Variants in RIMS2 observed in about 807,000 individuals in gnomAD.
RIMS2 encodes regulating synaptic membrane exocytosis 2, also known as regulating synaptic membrane exocytosis protein 2.
RIMS2 carries 59 observed loss-of-function variants against 174.4 expected under a neutral mutation model. The observed-to-expected ratio is 0.34, with a 90% CI of 0.27 to 0.42. RIMS2 has a LOEUF of 0.42. Ranked by LOEUF, RIMS2 falls within the 10% of genes least tolerant of loss-of-function variation. RIMS2 has a pLI of 1.00. For synonymous variants in RIMS2, 606 were observed against 572.5 expected (o/e 1.06, Z -0.84); for missense variants, 1,620 against 1,666.3 (o/e 0.97, Z 0.48).
rs1016730006 is a variant in RIMS2, at chr8:103,896,833, A to G, written c.1624+10610A>G. On this transcript the variant is annotated intron_variant, in intron 4 of 23. Coordinates refer to ENST00000504942, the Ensembl canonical transcript of RIMS2. ...TTTCCCTATAAGGACTTCTTATATG[A>G]TGGCTCAGGGCTCACAGAGATATAA... is the stretch of plus-strand genomic sequence containing the variant. Among the ~76,000 whole-genome samples, 14 of 151,526 alleles carry G rather than the reference A, an allele frequency of 9.2e-5. 1 individual carries two copies. Among genetic ancestry groups the G allele is most frequent in the African/African-American group, 3.2e-4 (13 of 40,930 alleles).
At chr8:103,682,396 A>G (rs1201934689) in intron 1 of RIMS2, among the ~76,000 whole-genome samples, 8 of 152,196 alleles carry the variant, frequency 5.3e-5, no homozygotes, top group African/African-American at 1.9e-4. Context: ...CTAAGTGGAC[A>G]GTGAGGACTG....
At chr8:104,169,340 A>ATATATATATATATATAT (rs1491155725) in intron 19 of RIMS2, among the ~76,000 whole-genome samples, 2 of 33,206 alleles carry the variant, frequency 6.0e-5, no homozygotes, top group South Asian at 1.3e-3. Context: ...ATATATATAT[A>ATATATATATATATATAT]AAACAGATTC....
At chr8:104,135,816 GC>G (rs1366553076) in intron 19 of RIMS2, among the ~76,000 whole-genome samples, 2 of 151,910 alleles carry the variant, frequency 1.3e-5, no homozygotes, top group South Asian at 2.1e-4. Context: ...AGAGGAAGGG[GC>G]TGATACTTGG....
At chr8:103,919,843 G>T (rs2077266173) in intron 9 of RIMS2, among the ~76,000 whole-genome samples, 1 of 151,874 alleles carries the variant, frequency 6.6e-6, no homozygotes, top group Non-Finnish European at 1.5e-5. Flanking sequence ...GTAATATCAT[G>T]ATCACATAAA....
chr8:103,975,357 A>G, exon 16 of RIMS2: 1 of 1,610,896 alleles, frequency 6.2e-7, no homozygotes. Flanking sequence ...TAGATTATCG[A>G]CATGATGGTC....
At chr8:104,028,658 C>G (rs2096310574) in intron 19 of RIMS2, among the ~76,000 whole-genome samples, 2 of 152,098 alleles carry the variant, frequency 1.3e-5, no homozygotes, top group African/African-American at 4.8e-5. Flanking sequence ...TCTATAAAAT[C>G]CCATTTGACA....
At position 103,856,103 on chromosome 8, in the gene RIMS2, C is replaced by T. The variant is rs35104198; in HGVS notation, c.699-29195C>T. 4.8e-3 allele frequency among the ~76,000 whole-genome samples: 733 copies of T among 151,982 alleles called. 10 individuals carry two copies. Among genetic ancestry groups the T allele is most frequent in the African/African-American group, 0.015 (640 of 41,470 alleles). On this transcript the variant is annotated intron_variant, in intron 3 of 23. Coordinates refer to ENST00000504942, the Ensembl canonical transcript of RIMS2. ...ACTTATTTCTTTTTATTGGATTGTACCCTTTATCATTTTATAATGTCTTTG... is the reference window on the plus strand; with the variant it reads ...ACTTATTTCTTTTTATTGGATTGTATCCTTTATCATTTTATAATGTCTTTG...
chr8:104,252,928 C>T (rs2099362488), downstream of RIMS2: 1 of 152,286 alleles, frequency 6.6e-6, no homozygotes, highest in South Asian at 2.1e-4. Context: ...ATCTGATCCT[C>T]TCTCATACCC....
intron 3 of RIMS2, among the ~76,000 whole-genome samples, chr8:103,823,912 T>G (rs1377759881): frequency 6.6e-6 from 1 of 152,074 alleles, no homozygotes; most frequent in Non-Finnish European, 1.5e-5. Context: ...ACACATTTTA[T>G]GTACATATAT....
At chr8:104,157,398 C>T (rs570836108) in intron 19 of RIMS2, among the ~76,000 whole-genome samples, 13 of 152,260 alleles carry the variant, frequency 8.5e-5, no homozygotes, top group African/African-American at 3.1e-4. Flanking sequence ...GTAAAATACA[C>T]GTGACATAAA....
intron 1 of RIMS2, among the ~76,000 whole-genome samples, chr8:103,556,856 C>T (rs985996956): frequency 2.0e-4 from 30 of 152,016 alleles, no homozygotes. Flanking sequence ...GGTTTAATGA[C>T]AAAGCAGGGT....
At position 104,190,806 on chromosome 8, in the gene RIMS2, A is replaced by G. The variant is rs536606797; in HGVS notation, c.3335-54110A>G. Among the ~76,000 whole-genome samples, 6 of 152,272 alleles carry G rather than the reference A, an allele frequency of 3.9e-5. No homozygotes were observed. In the South Asian group the frequency reaches 1.2e-3, roughly 32 times the overall value. ...CATAGATAATTTCAAGCCTTCAAAA[A>G]TAAGAAAGATATAATTGCTACTGGC... On this transcript the variant is annotated intron_variant, in intron 19 of 23. Coordinates refer to ENST00000504942, the Ensembl canonical transcript of RIMS2.
chr8:103,567,930 A>T (rs777051313), intron 1 of RIMS2, among the ~76,000 whole-genome samples: 2 of 152,082 alleles, frequency 1.3e-5, no homozygotes, highest in African/African-American at 4.8e-5. Context: ...GCATCTTTTC[A>T]TGTGCTCATT....
At chr8:104,086,368 G>T (rs2097538100) in intron 19 of RIMS2, among the ~76,000 whole-genome samples, 1 of 151,294 alleles carries the variant, frequency 6.6e-6, no homozygotes, top group African/African-American at 2.4e-5. Flanking sequence ...TTTGTTAAGG[G>T]CAAAAGCATA....
intron 1 of RIMS2, among the ~76,000 whole-genome samples, chr8:103,613,389 C>T (rs2095432273): frequency 6.6e-6 from 1 of 152,152 alleles, no homozygotes; most frequent in Admixed American, 6.6e-5. Context: ...ACTTAACGCC[C>T]AAGGGCTCTT....
intron 19 of RIMS2, among the ~76,000 whole-genome samples, chr8:104,155,544 G>C (rs572782573): frequency 6.7e-6 from 1 of 150,070 alleles, no homozygotes; most frequent in East Asian, 2.0e-4. Context: ...CTCCCGAGTA[G>C]CTGGGATTAC....
intron 1 of RIMS2, among the ~76,000 whole-genome samples, chr8:103,557,174 C>T (rs966180798): frequency 1.3e-5 from 2 of 152,164 alleles, no homozygotes; most frequent in Non-Finnish European, 2.9e-5. Context: ...AAACCGATAG[C>T]TCATTGTCTC....
chr8:103,545,731 TAAAG>T (rs1844743456), intron 1 of RIMS2, among the ~76,000 whole-genome samples: 1 of 152,162 alleles, frequency 6.6e-6, no homozygotes, highest in Non-Finnish European at 1.5e-5. Flanking sequence ...TCAGCATTCT[TAAAG>T]AAAAGAAATT....
At chr8:103,887,363 T>C (rs2099209840) in intron 4 of RIMS2, among the ~76,000 whole-genome samples, 1 of 151,636 alleles carries the variant, frequency 6.6e-6, no homozygotes, top group African/African-American at 2.4e-5. Context: ...GTTTATCTAG[T>C]ATTTTAATTT....
Sources: gnomAD v4.1 joint callset for allele counts (sites outside exome capture counted in the v4.1 genomes callset) on GRCh38, gnomAD v4.1.1 for gene constraint, MANE v1.5 for transcripts, NCBI Gene and HGNC (gene_info 2026-07-23, HGNC 2026-07-21) for gene names.